CNTNAP4: variants seen among roughly 807,000 people sequenced by gnomAD.
CNTNAP4 encodes contactin associated protein family member 4.
Under a neutral mutation model 148.4 loss-of-function variants are expected in CNTNAP4, and 98 were observed. The observed-to-expected ratio is 0.66, with a 90% CI of 0.56 to 0.78. The LOEUF is 0.78. Among genes scored for constraint, CNTNAP4 ranks in the 30% least tolerant of loss-of-function variants. The probability of loss-of-function intolerance (pLI) is 0.00; values close to 1 mark genes in which losing one functional copy is unlikely to be tolerated. For missense variants in CNTNAP4, 1,935 were observed against 1,565.6 expected (o/e 1.24, Z -3.98); for synonymous variants, 730 against 565.1 (o/e 1.29, Z -4.14).
intron 4 of CNTNAP4, 75 bp downstream of exon 4, chr16:76,427,674 A>G (rs533077527): frequency 1.2e-5 from 16 of 1,390,980 alleles, no homozygotes; most frequent in South Asian, 4.6e-5. Flanking sequence ...ACAAACTGAA[A>G]TGGACTTTTT....
chr16:76,503,489 A>C (rs1057140985), intron 15 of CNTNAP4, among the ~76,000 whole-genome samples: 4 of 152,226 alleles, frequency 2.6e-5, no homozygotes, highest in African/African-American at 9.7e-5. Context: ...TGAGTTTAGC[A>C]AAGTCACAGG....
At chr16:76,471,933 T>C (rs1398228592) in intron 10 of CNTNAP4, among the ~76,000 whole-genome samples, 1 of 152,230 alleles carries the variant, frequency 6.6e-6, no homozygotes, top group African/African-American at 2.4e-5. Flanking sequence ...TAGAGTTTAC[T>C]TCAATATTAA....
chr16:76,481,500 T>G (rs768711076), intron 12 of CNTNAP4, among the ~76,000 whole-genome samples: 37 of 152,236 alleles, frequency 2.4e-4, no homozygotes, highest in Non-Finnish European at 4.9e-4. Flanking sequence ...GGCAACATAG[T>G]GAGACCCCAT....
intron 3 of CNTNAP4, among the ~76,000 whole-genome samples, chr16:76,384,650 A>G (rs1373378465): frequency 6.6e-6 from 1 of 152,162 alleles, no homozygotes; most frequent in Non-Finnish European, 1.5e-5. Context: ...CTCCTCTCTC[A>G]GGAACAGTCA....
intron 3 of CNTNAP4, among the ~76,000 whole-genome samples, chr16:76,360,796 C>T (rs28417722): frequency 4.7e-5 from 7 of 150,024 alleles, no homozygotes; most frequent in Non-Finnish European, 1.0e-4. Flanking sequence ...CTGCTAATGC[C>T]TGGTTAAAAC....
At chr16:76,532,143 C>G (rs2084010503) in intron 17 of CNTNAP4, among the ~76,000 whole-genome samples, 1 of 152,026 alleles carries the variant, frequency 6.6e-6, no homozygotes, top group Non-Finnish European at 1.5e-5. Context: ...CCTTCAGTGC[C>G]CAGAAAGAGC....
intron 4 of CNTNAP4, among the ~76,000 whole-genome samples, chr16:76,427,819 G>A (rs751769702): frequency 4.0e-4 from 61 of 152,086 alleles, no homozygotes; most frequent in Non-Finnish European, 7.6e-4. Flanking sequence ...TTGATAGATG[G>A]ATAGATACAT....
rs2081218595 is a variant in CNTNAP4, at chr16:76,467,543, A to G, written c.1655+20A>G. 5.1e-6 allele frequency: 8 copies of G among 1,561,768 alleles called. 1 individual carries two copies. In the East Asian group the frequency reaches 1.2e-4, roughly 22 times the overall value. ...AGACAGGTAAGGGCAATCTCACTTC[A>G]TTTTGACCTGCTTTCAAACTTTGGC... On this transcript the variant is annotated intron_variant, in intron 10 of 23. Coordinates refer to ENST00000611870, the MANE Select transcript of CNTNAP4 (RefSeq NM_033401.5).
rs74025058 is a variant in CNTNAP4 at position 76,559,979 on chromosome 16, C to A, written c.*1296C>A. ...GATGGGGTGAATTTCTCAAAAATTA[C>A]CAAGAATCAATCCAACTTGCTGAAT... On this transcript the variant is annotated 3_prime_UTR_variant, in exon 24 of 24. Transcript: ENST00000611870. 1.3e-5 allele frequency among the ~76,000 whole-genome samples: 2 copies of A among 152,110 alleles called. No individual in the cohort carries two copies. Among genetic ancestry groups the A allele is most frequent in the African/African-American group, 4.8e-5 (2 of 41,406 alleles).
chr16:76,391,005 C>T (rs1422800841), intron 3 of CNTNAP4, among the ~76,000 whole-genome samples: 2 of 152,102 alleles, frequency 1.3e-5, no homozygotes, highest in African/African-American at 2.4e-5. Flanking sequence ...TCCTTTGAGT[C>T]ACAGACCAGC....
At chr16:76,413,277 T>C (rs180988444) in intron 3 of CNTNAP4, among the ~76,000 whole-genome samples, 1 of 151,584 alleles carries the variant, frequency 6.6e-6, no homozygotes, top group Non-Finnish European at 1.5e-5. Context: ...CAGCCTCTAG[T>C]AACCATCTGT....
intron 4 of CNTNAP4, among the ~76,000 whole-genome samples, chr16:76,436,961 A>ATATCTATCTATCTATCTATCTATCTATC (rs780750972): frequency 4.3e-5 from 6 of 140,178 alleles, no homozygotes; most frequent in East Asian, 2.8e-4. Flanking sequence ...CTAATACAGA[A>ATATCTATCTATCTATCTATCTATCTATC]TATCTATCTA....
intron 7 of CNTNAP4, among the ~76,000 whole-genome samples, chr16:76,450,307 C>T (rs552263187): frequency 6.6e-6 from 1 of 152,054 alleles, no homozygotes; most frequent in Non-Finnish European, 1.5e-5. Flanking sequence ...TGCCAACACA[C>T]CTGGCTAATT....
intron 11 of CNTNAP4, among the ~76,000 whole-genome samples, chr16:76,479,031 A>G (rs2081702343): frequency 6.6e-6 from 1 of 152,124 alleles, no homozygotes. Flanking sequence ...TTAGGTTATT[A>G]CAAGGTGCTA....
At chr16:76,320,225 C>G (rs1962260899) in intron 2 of CNTNAP4, among the ~76,000 whole-genome samples, 1 of 152,148 alleles carries the variant, frequency 6.6e-6, no homozygotes, top group Non-Finnish European at 1.5e-5. Flanking sequence ...TGTTCTAATG[C>G]TGGGTAAAGA....
At chr16:76,415,917 A>G (rs1163086503) in intron 3 of CNTNAP4, among the ~76,000 whole-genome samples, 2 of 108,440 alleles carry the variant, frequency 1.8e-5, no homozygotes, top group Non-Finnish European at 4.3e-5. Context: ...CCCATTGTAT[A>G]GATATACTGT....
intron 15 of CNTNAP4, among the ~76,000 whole-genome samples, chr16:76,516,889 C>A (rs1183411537): frequency 2.6e-5 from 4 of 152,090 alleles, no homozygotes; most frequent in Non-Finnish European, 4.4e-5. Flanking sequence ...CATGGTGAAA[C>A]CCTGTCTCTA....
In CNTNAP4 at chr16:76,529,087, A is replaced by T. The variant is rs115078223; in HGVS notation, c.2756-6458A>T. Among the ~76,000 whole-genome samples the T allele has an allele frequency of 3.8e-3, 574 of 152,342 alleles. 4 individuals are homozygous for T. The highest frequency in any genetic ancestry group is 0.013 in the African/African-American group (548 of 41,588). On this transcript the variant is annotated intron_variant, in intron 17 of 23. Transcript: ENST00000611870. The stretch of plus-strand genomic sequence containing the variant: ...CACAATGAGCAGCAACGCAATGAAC[A>T]TCTCCTCCTCTCCTCCAGATAATTC...
intron 2 of CNTNAP4, among the ~76,000 whole-genome samples, chr16:76,332,928 G>T (rs959734174): frequency 1.3e-5 from 2 of 152,154 alleles, no homozygotes; most frequent in African/African-American, 4.8e-5. Flanking sequence ...GCCAGATACA[G>T]TCAAGGGGTC....
Sources: allele counts gnomAD v4.1 joint callset (sites outside exome capture counted in the v4.1 genomes callset), GRCh38; gene constraint gnomAD v4.1.1; transcripts MANE v1.5; gene names NCBI Gene and HGNC (gene_info 2026-07-23, HGNC 2026-07-21).